CAB39L: variants seen among roughly 807,000 people sequenced by gnomAD.
CAB39L encodes calcium-binding protein 39-like.
Under a neutral mutation model 39.1 loss-of-function variants are expected in CAB39L, and 23 were observed. The ratio of observed to expected loss-of-function variants is 0.59; its 90% CI spans 0.42 to 0.83. The LOEUF is 0.83. CAB39L is among the 40% of genes least tolerant of loss of function. CAB39L has a pLI of 0.00. For missense variants in CAB39L, 366 were observed against 391.9 expected, an observed-to-expected ratio of 0.93 and a Z score of 0.56; for synonymous variants, 126 against 137.2, an observed-to-expected ratio of 0.92 and a Z score of 0.57.
chr13:49,443,900 C>T, intron 1 of CAB39L, 86 bp downstream of exon 1: 1 of 456,742 alleles, frequency 2.2e-6, no homozygotes, highest in South Asian at 1.5e-5. Context: ...CTCCGGACCC[C>T]TCCACTACGG....
intron 7 of CAB39L, among the ~76,000 whole-genome samples, chr13:49,344,670 C>T (rs761167403): frequency 2.0e-5 from 3 of 151,930 alleles, no homozygotes; most frequent in Admixed American, 6.6e-5. Flanking sequence ...TACAGGCGCC[C>T]GCCACCACAT....
intron 3 of CAB39L, chr13:49,414,277 T>C (rs1259066989): frequency 6.6e-6 from 1 of 152,182 alleles, no homozygotes; most frequent in Non-Finnish European, 1.5e-5. Context: ...GTTCTTAAAA[T>C]TAAATAAGAA....
chr13:49,421,475 C>T (rs1323485172), intron 3 of CAB39L, among the ~76,000 whole-genome samples: 1 of 152,122 alleles, frequency 6.6e-6, no homozygotes, highest in Non-Finnish European at 1.5e-5. Context: ...TCCCCCTTCC[C>T]ATCTGCGCTA....
At chr13:49,318,260 A>G (rs1457100991) in intron 10 of CAB39L, among the ~76,000 whole-genome samples, 1 of 151,420 alleles carries the variant, frequency 6.6e-6, no homozygotes, top group African/African-American at 2.4e-5. Context: ...CCAGGAGTTC[A>G]AGTTCAAGAC....
intron 6 of CAB39L, among the ~76,000 whole-genome samples, chr13:49,359,384 G>C (rs1955569922): frequency 6.6e-6 from 1 of 152,062 alleles, no homozygotes; most frequent in African/African-American, 2.4e-5. Flanking sequence ...TCAATCTCAT[G>C]CAAGCAGGAA....
At chr13:49,404,900 A>G (rs189385794) in intron 3 of CAB39L, among the ~76,000 whole-genome samples, 43 of 152,322 alleles carry the variant, frequency 2.8e-4, no homozygotes, top group Admixed American at 9.2e-4. Context: ...AGAAAAAAGA[A>G]TAAAAATAAT....
intron 4 of CAB39L, 80 bp downstream of exon 4, chr13:49,382,720 T>G: frequency 4.6e-6 from 4 of 863,240 alleles, no homozygotes; most frequent in Non-Finnish European, 7.7e-6. Flanking sequence ...ATATTTTGAA[T>G]TCTTCATTAA....
intron 2 of CAB39L, among the ~76,000 whole-genome samples, chr13:49,433,670 C>G (rs1019352802): frequency 6.6e-6 from 1 of 152,116 alleles, no homozygotes; most frequent in Non-Finnish European, 1.5e-5. Flanking sequence ...CGCTCTAGTA[C>G]CTCTGAAATC....
At chr13:49,329,545 ATATATATAT>A (rs1277071317) in intron 10 of CAB39L, among the ~76,000 whole-genome samples, 1,384 of 84,482 alleles carry the variant, frequency 0.016, 149 homozygotes, top group East Asian at 0.11. Flanking sequence ...AAAAAAAAAA[ATATATATAT>A]ATATATATAT....
chr13:49,372,385 A>C (rs1475645959), intron 5 of CAB39L, among the ~76,000 whole-genome samples: 1 of 152,148 alleles, frequency 6.6e-6, no homozygotes, highest in African/African-American at 2.4e-5. Context: ...TGATAGCCGG[A>C]TCCTCCAGTA....
intron 9 of CAB39L, among the ~76,000 whole-genome samples, chr13:49,337,028 A>T (rs966617270): frequency 1.3e-5 from 2 of 152,222 alleles, no homozygotes; most frequent in Non-Finnish European, 2.9e-5. Context: ...GGCTGGCTGA[A>T]AAATGGCCTC....
intron 10 of CAB39L, among the ~76,000 whole-genome samples, chr13:49,316,726 A>G (rs963419715): frequency 1.5e-4 from 23 of 152,234 alleles, no homozygotes; most frequent in Non-Finnish European, 1.2e-4. Context: ...GTGTTCCCCA[A>G]AAAGATATGT....
At chr13:49,441,036 T>A (rs1020283852) in intron 1 of CAB39L, among the ~76,000 whole-genome samples, 7 of 151,886 alleles carry the variant, frequency 4.6e-5, no homozygotes, top group Non-Finnish European at 1.0e-4. Flanking sequence ...ATGTCTGAGC[T>A]CTTATTTCTG....
At chr13:49,311,338 C>T (rs1423256759) in intron 10 of CAB39L, among the ~76,000 whole-genome samples, 1 of 152,106 alleles carries the variant, frequency 6.6e-6, no homozygotes, top group Admixed American at 6.6e-5. Flanking sequence ...CGGCCAGCTG[C>T]ATAAAATTCA....
At chr13:49,341,260 C>CTT (rs200675554) in intron 8 of CAB39L, among the ~76,000 whole-genome samples, 2 of 146,414 alleles carry the variant, frequency 1.4e-5, no homozygotes, top group South Asian at 2.1e-4. Flanking sequence ...TTTTCTTTTT[C>CTT]TTTTTTTTTT....
intron 3 of CAB39L, among the ~76,000 whole-genome samples, chr13:49,397,455 T>G (rs1211594479): frequency 6.6e-6 from 1 of 152,114 alleles, no homozygotes; most frequent in Non-Finnish European, 1.5e-5. Context: ...AACTCTTTTA[T>G]AAGAGAAACT....
rs761943561 is a variant in CAB39L at position 49,309,850 on chromosome 13, T to C, written c.*964A>G. ...ATGGATCTGAGAATTTTTTCACACA[T>C]GAATCATTTCTCCTTCCAATGGTTA... On this transcript the variant is annotated 3_prime_UTR_variant, in exon 11 of 11. Transcript: ENST00000409308. 6.6e-6 allele frequency: 1 copy of C among 152,208 alleles called. No homozygotes were observed. The highest frequency in any genetic ancestry group is 1.5e-5 in the Non-Finnish European group (1 of 68,042). 9.4% of individuals were successfully genotyped at this position (152,208 alleles called of 1,614,324 possible).
chr13:49,370,722 T>G (rs1955896610), intron 5 of CAB39L, among the ~76,000 whole-genome samples: 1 of 152,204 alleles, frequency 6.6e-6, no homozygotes, highest in Non-Finnish European at 1.5e-5. Flanking sequence ...CCTTAAAATG[T>G]CTGGTACGAT....
rs1156469314 is a variant in CAB39L at position 49,344,134 on chromosome 13, G to A, written c.624+45C>T. ...CAATTGCTCATAGATCTAAAAGGGA[G>A]GGAGAGAGAAAGTGGGAAAGTCTTT... On this transcript the variant is annotated intron_variant, in intron 8 of 10. Transcript: ENST00000409308. The A allele has an allele frequency of 4.5e-6, 5 of 1,120,390 alleles. No homozygotes were observed. In the East Asian group the frequency reaches 1.2e-4, roughly 26 times the overall value. 69.4% of individuals were successfully genotyped at this position (1,120,390 alleles called of 1,614,324 possible).
Sources: allele counts gnomAD v4.1 joint callset (sites outside exome capture counted in the v4.1 genomes callset), GRCh38; gene constraint gnomAD v4.1.1; transcripts MANE v1.5; gene names NCBI Gene and HGNC (gene_info 2026-07-23, HGNC 2026-07-21).